PLEKHA8: variants seen among roughly 807,000 people sequenced by gnomAD.
The protein encoded by PLEKHA8 is pleckstrin homology domain-containing family A member 8.
In PLEKHA8, 36 loss-of-function variants were observed where a neutral mutation model predicts 68.2. The observed-to-expected ratio is 0.53, with a 90% CI of 0.40 to 0.70. PLEKHA8 has a LOEUF of 0.70. Among genes scored for constraint, PLEKHA8 ranks in the 30% least tolerant of loss-of-function variants. The pLI is 0.00. For synonymous variants in PLEKHA8, 211 were observed against 216.1 expected, an observed-to-expected ratio of 0.98 and a Z score of 0.20; for missense variants, 505 against 615.4, an observed-to-expected ratio of 0.82 and a Z score of 1.90.
rs1237221993 is a variant in PLEKHA8, at chr7:30,052,783, A to G, written c.713A>G (p.Lys238Arg). Reference sequence around the variant, plus strand: ...AATGGTGAGGAAGAAATCCTAATGAAAAATAAGAATTCCTTATATTTGAAA... The same window carrying G: ...AATGGTGAGGAAGAAATCCTAATGAGAAATAAGAATTCCTTATATTTGAAA... ...EINGEEEILM[K>R]NKNSLYLKSA... Residue 238 changes from lysine (K) to arginine (R), a missense_variant, in exon 7 of 14, where the codon AAA (lysine) becomes AGA (arginine). Lys to Arg is a conservative substitution (Grantham distance 26, BLOSUM62 2). Transcript: ENST00000449726. 6.4e-7 allele frequency: 1 copy of G among 1,567,656 alleles called. No homozygotes were observed. Among genetic ancestry groups the G allele is most frequent in the South Asian group, 1.2e-5 (1 of 82,532 alleles).
rs556408475 is a variant in PLEKHA8 at position 30,112,475 on chromosome 7, G to T, written c.1363-16791G>T. Among the ~76,000 whole-genome samples the T allele has an allele frequency of 6.6e-5, 10 of 152,080 alleles. No homozygotes were observed. The East Asian group carries it at 1.9e-3, about 29-fold the overall frequency. On this transcript the variant is annotated intron_variant, in intron 13 of 13. Coordinates refer to the PLEKHA8 transcript ENST00000396257. Reference sequence around the variant, plus strand: ...TACATACTTAGCACTAAAAGAGTGTGACTACAATACATAATAAAATCTGAG... The same window carrying T: ...TACATACTTAGCACTAAAAGAGTGTTACTACAATACATAATAAAATCTGAG...
intron 13 of PLEKHA8, among the ~76,000 whole-genome samples, chr7:30,128,481 T>C (rs1441006269): frequency 6.6e-6 from 1 of 152,248 alleles, no homozygotes; most frequent in African/African-American, 2.4e-5. Context: ...TATATTCACA[T>C]TGATTATGAT....
Position 30,082,752 on chromosome 7 carries a change from T to C in PLEKHA8, c.*3965T>C. On this transcript the variant is annotated 3_prime_UTR_variant, in exon 14 of 14. Coordinates refer to ENST00000449726, the MANE Select transcript of PLEKHA8 (RefSeq NM_001197026.2). The stretch of plus-strand genomic sequence containing the variant: ...AAAGAGGAGCCAAAGTAAGAGATTT[T>C]TTTTTAAGGAAACTTAATCTGATTG... 1.0e-6 allele frequency: 1 copy of C among 985,344 alleles called. No homozygotes were observed. Among genetic ancestry groups the C allele is most frequent in the African/African-American group, 1.7e-5 (1 of 57,326 alleles). The allele number at this position is 985,344 out of a possible 1,614,324, so 61.0% of individuals were successfully genotyped here.
chr7:30,052,640 C>CAAAAAAAAAAAAAA (rs75714651), intron 6 of PLEKHA8, 69 bp from the exon 7 acceptor site: 7 of 1,066,970 alleles, frequency 6.6e-6, no homozygotes, highest in Middle Eastern at 3.5e-4. Context: ...GACCCTGTTT[C>CAAAAAAAAAAAAAA]AAAAAAAAAA....
chr7:30,104,236 TTGGAGTCTTAA>T (rs1795978029), intron 13 of PLEKHA8, among the ~76,000 whole-genome samples: 1 of 152,238 alleles, frequency 6.6e-6, no homozygotes, highest in African/African-American at 2.4e-5. Context: ...ATGTTGCTAG[TTGGAGTCTTAA>T]ATGGTATAAC....
At chr7:30,110,174 C>T (rs1379395466) in intron 13 of PLEKHA8, among the ~76,000 whole-genome samples, 1 of 151,938 alleles carries the variant, frequency 6.6e-6, no homozygotes, top group Admixed American at 6.6e-5. Flanking sequence ...TAAGCAGTCA[C>T]CCCCCATTCC....
chr7:30,039,513 C>A (rs961716925), intron 1 of PLEKHA8, among the ~76,000 whole-genome samples: 1 of 152,102 alleles, frequency 6.6e-6, no homozygotes, highest in African/African-American at 2.4e-5. Flanking sequence ...GAAACTCTGT[C>A]TCAAAGTAAA....
intron 12 of PLEKHA8, among the ~76,000 whole-genome samples, chr7:30,070,970 C>A (rs1014523926): frequency 1.3e-5 from 2 of 152,164 alleles, no homozygotes; most frequent in Non-Finnish European, 2.9e-5. Flanking sequence ...TTGTTATTTC[C>A]CTACCACAAT....
intron 13 of PLEKHA8, chr7:30,117,966 A>G: frequency 6.5e-7 from 1 of 1,529,824 alleles, no homozygotes; most frequent in Non-Finnish European, 8.7e-7. Flanking sequence ...TTCATTTCTA[A>G]CAGGGACACA....
intron 13 of PLEKHA8, among the ~76,000 whole-genome samples, chr7:30,127,066 G>T (rs1037773536): frequency 6.6e-6 from 1 of 152,202 alleles, no homozygotes; most frequent in Non-Finnish European, 1.5e-5. Context: ...TTATGTAAAA[G>T]CTCAATAAGA....
At position 30,084,374 on chromosome 7, in the gene PLEKHA8, GAGT is replaced by G. The variant is rs1341255306; in HGVS notation, c.*5590_*5592del. The G allele has an allele frequency of 1.0e-6, 1 of 985,264 alleles. No homozygotes were observed. The highest frequency in any genetic ancestry group is 1.2e-6 in the Non-Finnish European group (1 of 829,906). The allele number at this position is 985,264 out of a possible 1,614,324, so 61.0% of individuals were successfully genotyped here. The stretch of plus-strand genomic sequence containing the variant: ...GCATTTTGAATGAGCATCATAATCA[GAGT>G]AGAAGGCAAGTTAAACTATAAAAGT... On this transcript the variant is annotated 3_prime_UTR_variant, in exon 14 of 14. Coordinates refer to ENST00000449726, the MANE Select transcript of PLEKHA8 (RefSeq NM_001197026.2).
At position 30,046,254 on chromosome 7, in the gene PLEKHA8, G is replaced by A. The variant is rs776718136; in HGVS notation, c.202G>A (p.Glu68Lys). Residue 68 changes from glutamate to lysine, a missense_variant, in exon 3 of 14, where the codon GAA becomes AAA. Coordinates refer to ENST00000449726, the MANE Select transcript of PLEKHA8 (RefSeq NM_001197026.2). ...ACGCATGGACCTGATAATCCCTGGG[G>A]AACAGTATTTCTACCTGAAGGCCAG... ...NTRMDLIIPG[E>K]QYFYLKARSV... 4.3e-6 allele frequency: 7 copies of A among 1,613,714 alleles called. No individual in the cohort carries two copies. The highest frequency in any genetic ancestry group is 5.1e-6 in the Non-Finnish European group (6 of 1,179,752).
rs1295386902 is a variant in PLEKHA8 at position 30,081,203 on chromosome 7, TA to T, written c.*2417del. On this transcript the variant is annotated 3_prime_UTR_variant, in exon 14 of 14. Coordinates refer to ENST00000449726, the MANE Select transcript of PLEKHA8 (RefSeq NM_001197026.2). The stretch of plus-strand genomic sequence containing the variant: ...ATCAGACAGAATAGCTTGAATAAGT[TA>T]CATTTTCCAATTACCCTTTTTCCAC... The T allele has an allele frequency of 1.0e-6, 1 of 985,250 alleles. No homozygotes were observed. The highest frequency in any genetic ancestry group is 1.2e-6 in the Non-Finnish European group (1 of 829,902). The allele number at this position is 985,250 out of a possible 1,614,324, so 61.0% of individuals were successfully genotyped here. A position where few individuals can be genotyped will look rare whatever the true frequency, so the allele number is the denominator to read the frequency against.
chr7:30,047,964 ATTAT>A lies in PLEKHA8; in HGVS notation c.438+14_438+17del, dbSNP rs746602042. Reference sequence around the variant, plus strand: ...GGTGTGTCCAATTCTGAGGTAAAATATTATTTATTAATATTATTAATATACATGA... The same window carrying A: ...GGTGTGTCCAATTCTGAGGTAAAATATTATTAATATTATTAATATACATGA... On this transcript the variant is annotated intron_variant, in intron 4 of 13. Transcript: ENST00000449726. 1.5e-6 allele frequency: 2 copies of A among 1,366,710 alleles called. No individual in the cohort carries two copies. The highest frequency in any genetic ancestry group is 2.8e-5 in the East Asian group (1 of 35,770). The allele number at this position is 1,366,710 out of a possible 1,614,324, so 84.7% of individuals were successfully genotyped here. A position where few individuals can be genotyped will look rare whatever the true frequency, so the allele number is the denominator to read the frequency against.
intron 13 of PLEKHA8, among the ~76,000 whole-genome samples, chr7:30,113,323 A>G (rs1407780673): frequency 6.6e-6 from 1 of 152,102 alleles, no homozygotes; most frequent in African/African-American, 2.4e-5. Flanking sequence ...CTGACTTTTG[A>G]ATTATAGTTT....
intron 1 of PLEKHA8, among the ~76,000 whole-genome samples, chr7:30,036,171 G>A (rs1018120206): frequency 2.0e-5 from 3 of 152,024 alleles, no homozygotes; most frequent in African/African-American, 4.8e-5. Flanking sequence ...CACCAGAGTC[G>A]TTTGAACCCA....
At chr7:30,056,306 C>A (rs1346082283) in intron 9 of PLEKHA8, among the ~76,000 whole-genome samples, 41 of 90,226 alleles carry the variant, frequency 4.5e-4, no homozygotes, top group East Asian at 4.3e-3. Flanking sequence ...CTCTCTCTCT[C>A]TCTCTCTATA....
chr7:30,084,547 T>C lies in PLEKHA8; in HGVS notation c.*5760T>C. ...GTCCAAGTCCTTATTCTCTATCTTG[T>C]GGGGAGGGGTGACAGGGGAGGGTTT... On this transcript the variant is annotated 3_prime_UTR_variant, in exon 14 of 14. Transcript: ENST00000449726. 1 of 985,252 alleles carries C rather than the reference T, an allele frequency of 1.0e-6. No homozygotes were observed. The highest frequency in any genetic ancestry group is 1.2e-6 in the Non-Finnish European group (1 of 829,812). The allele number at this position is 985,252 out of a possible 1,614,324, so 61.0% of individuals were successfully genotyped here. A position where few individuals can be genotyped will look rare whatever the true frequency, so the allele number is the denominator to read the frequency against.
intron 13 of PLEKHA8, among the ~76,000 whole-genome samples, chr7:30,123,354 A>C (rs1232496688): frequency 6.6e-6 from 1 of 152,228 alleles, no homozygotes; most frequent in Non-Finnish European, 1.5e-5. Context: ...TCTTTCCACT[A>C]AACAAATCTG....
Sources: gnomAD v4.1 joint callset for allele counts (sites outside exome capture counted in the v4.1 genomes callset) on GRCh38, gnomAD v4.1.1 for gene constraint, MANE v1.5 for transcripts, NCBI Gene and HGNC (gene_info 2026-07-23, HGNC 2026-07-21) for gene names.